The following THSD4 variants were observed in gnomAD, a reference collection of about 807,000 sequenced individuals.
THSD4 encodes thrombospondin type 1 domain containing 4.
Under a neutral mutation model 119.0 loss-of-function variants are expected in THSD4, and 69 were observed. The ratio of observed to expected loss-of-function variants is 0.58; its 90% CI spans 0.48 to 0.71. The LOEUF (loss-of-function observed/expected upper bound fraction) is 0.71. Ranked by LOEUF, THSD4 falls within the 30% of genes least tolerant of loss-of-function variation. The pLI, the probability that THSD4 is intolerant of heterozygous loss-of-function variation, is 0.00. For synonymous variants in THSD4, 524 were observed against 540.4 expected, an observed-to-expected ratio of 0.97 and a Z score of 0.42; for missense variants, 1,393 against 1,391.1, an observed-to-expected ratio of 1.00 and a Z score of -0.02.
chr15:71,486,881 T>G (rs1567003629), intron 7 of THSD4, among the ~76,000 whole-genome samples: 2 of 152,148 alleles, frequency 1.3e-5, no homozygotes, highest in Non-Finnish European at 2.9e-5. Flanking sequence ...AATTTGCCTT[T>G]TCGGGGTCCT....
rs1216813467 is a variant in THSD4 at position 71,742,675 on chromosome 15, T to C, written c.1907-2431T>C. Among the ~76,000 whole-genome samples the C allele has an allele frequency of 3.9e-5, 6 of 152,306 alleles. No individual in the cohort carries two copies. In the East Asian group the frequency reaches 7.7e-4, roughly 20 times the overall value. On this transcript the variant is annotated intron_variant, in intron 11 of 17. Transcript: ENST00000261862. Reference sequence around the variant, plus strand: ...ATAATTGAATTGCAATCTTGAACAATGGGAGGTGGCCAGGTGCTGTCTCCC... The same window carrying C: ...ATAATTGAATTGCAATCTTGAACAACGGGAGGTGGCCAGGTGCTGTCTCCC...
At position 71,165,112 on chromosome 15, in the gene THSD4, G is replaced by T. The variant is rs185400172; in HGVS notation, c.99+10180G>T. The T allele has an allele frequency of 3.0e-4, 483 of 1,611,330 alleles. 1 individual carries two copies. The African/African-American group carries it at 5.7e-3, about 19-fold the overall frequency. On this transcript the variant is annotated intron_variant, in intron 3 of 17. Transcript: ENST00000261862. ...GGCGATACTCAGAGCAGAAGAGGAA[G>T]AAGGCCGAAGGAGGCCTCTTGGGTG...
chr15:71,395,479 C>T (rs1208394916), intron 6 of THSD4, among the ~76,000 whole-genome samples: 1 of 152,166 alleles, frequency 6.6e-6, no homozygotes, highest in East Asian at 1.9e-4. Context: ...CTGTGGCTCA[C>T]ACCTGTAATC....
chr15:71,526,311 G>A (rs2048517751), intron 7 of THSD4, among the ~76,000 whole-genome samples: 2 of 152,284 alleles, frequency 1.3e-5, no homozygotes, highest in African/African-American at 4.8e-5. Context: ...TCCCTGCAAA[G>A]GTCTCTTAAG....
intron 6 of THSD4, chr15:71,341,605 G>A (rs1183139793): frequency 6.3e-7 from 1 of 1,591,144 alleles, no homozygotes; most frequent in Non-Finnish European, 8.6e-7. Context: ...GCATACCCTT[G>A]ATGGCCTGAG....
At chr15:71,764,465 T>C (rs534957908) in intron 15 of THSD4, among the ~76,000 whole-genome samples, 1 of 152,356 alleles carries the variant, frequency 6.6e-6, no homozygotes, top group Admixed American at 6.5e-5. Flanking sequence ...AAGATTGGGC[T>C]CTGTAGTCAC....
At chr15:71,205,879 T>TG (rs1269094681) in intron 3 of THSD4, among the ~76,000 whole-genome samples, 2 of 151,466 alleles carry the variant, frequency 1.3e-5, no homozygotes, top group African/African-American at 4.9e-5. Flanking sequence ...CTTTTTTTTT[T>TG]TTTTTTTGAG....
chr15:71,153,379 C>T (rs538119511), intron 2 of THSD4, among the ~76,000 whole-genome samples: 2 of 152,206 alleles, frequency 1.3e-5, no homozygotes, highest in African/African-American at 4.8e-5. Context: ...AGGGCAGCCC[C>T]TCTCTTTGGA....
chr15:71,471,424 C>T (rs372325782), intron 7 of THSD4, among the ~76,000 whole-genome samples: 4 of 152,016 alleles, frequency 2.6e-5, no homozygotes, highest in Non-Finnish European at 4.4e-5. Context: ...CTCCCACACC[C>T]CTCTTACTCA....
At chr15:71,326,307 CAG>C (rs1438605322) in intron 6 of THSD4, among the ~76,000 whole-genome samples, 2 of 152,112 alleles carry the variant, frequency 1.3e-5, no homozygotes, top group East Asian at 3.9e-4. Context: ...CAGTAACAAC[CAG>C]AGTGTTGCTG....
At chr15:71,544,480 G>A (rs555563057) in intron 7 of THSD4, among the ~76,000 whole-genome samples, 2 of 152,220 alleles carry the variant, frequency 1.3e-5, no homozygotes, top group East Asian at 3.9e-4. Flanking sequence ...CCATTAAGAT[G>A]GTTATTGTCA....
intron 4 of THSD4, among the ~76,000 whole-genome samples, chr15:71,216,436 G>A (rs2043933340): frequency 6.6e-6 from 1 of 152,208 alleles, no homozygotes; most frequent in Admixed American, 6.5e-5. Context: ...AGCTGTCACT[G>A]CCAGCCGCCT....
intron 7 of THSD4, among the ~76,000 whole-genome samples, chr15:71,451,306 C>T (rs1214998948): frequency 6.6e-6 from 1 of 152,228 alleles, no homozygotes; most frequent in Non-Finnish European, 1.5e-5. Context: ...ATACAAGTTG[C>T]TTCTGAGCAG....
intron 16 of THSD4, among the ~76,000 whole-genome samples, chr15:71,767,838 A>T (rs2140236569): frequency 6.6e-6 from 1 of 152,328 alleles, no homozygotes; most frequent in South Asian, 2.1e-4. Context: ...GCAGCAAGGA[A>T]GTTCTTAAAC....
chr15:71,296,328 C>G (rs534741130), intron 6 of THSD4, among the ~76,000 whole-genome samples: 2 of 152,196 alleles, frequency 1.3e-5, no homozygotes, highest in Non-Finnish European at 2.9e-5. Context: ...ATTTCTGTGC[C>G]CTACCCACCT....
intron 4 of THSD4, among the ~76,000 whole-genome samples, chr15:71,240,838 C>CACACACATAT (rs374887677): frequency 7.3e-6 from 1 of 137,058 alleles, no homozygotes; most frequent in Admixed American, 7.5e-5. Context: ...CACACACACA[C>CACACACATAT]ATATATACAT....
intron 7 of THSD4, among the ~76,000 whole-genome samples, chr15:71,483,699 G>A (rs2047770076): frequency 1.3e-5 from 2 of 152,048 alleles, no homozygotes; most frequent in Admixed American, 6.6e-5. Context: ...CCATCACCTA[G>A]GTATTAAGCC....
At chr15:71,542,903 A>G (rs955806860) in intron 7 of THSD4, among the ~76,000 whole-genome samples, 6 of 152,068 alleles carry the variant, frequency 3.9e-5, no homozygotes, top group African/African-American at 2.4e-5. Context: ...AAACAAAAAA[A>G]ACAAATTGAA....
At chr15:71,465,347 C>T (rs892589571) in intron 7 of THSD4, among the ~76,000 whole-genome samples, 1 of 152,118 alleles carries the variant, frequency 6.6e-6, no homozygotes, top group Non-Finnish European at 1.5e-5. Flanking sequence ...GCTGTGATTC[C>T]GTAGTTTGAC....
Sources: allele counts gnomAD v4.1 joint callset (sites outside exome capture counted in the v4.1 genomes callset), GRCh38; gene constraint gnomAD v4.1.1; transcripts MANE v1.5; gene names NCBI Gene and HGNC (gene_info 2026-07-23, HGNC 2026-07-21).